Variants in CTNND2 observed in about 807,000 individuals in gnomAD.
CTNND2 encodes the protein catenin delta 2.
Under a neutral mutation model 144.4 loss-of-function variants are expected in CTNND2, and 22 were observed. The ratio of observed to expected loss-of-function variants is 0.15; its 90% confidence interval spans 0.11 to 0.22. The LOEUF is 0.22. Among genes scored for constraint, CTNND2 ranks in the 10% least tolerant of loss-of-function variants. CTNND2 has a pLI of 1.00. For synonymous variants in CTNND2, 751 were observed against 695.6 expected (o/e 1.08, Z -1.25); for missense variants, 1,353 against 1,618.8 (o/e 0.84, Z 2.82).
At chr5:11,829,767 G>C (rs1456608367) in intron 1 of CTNND2, among the ~76,000 whole-genome samples, 2 of 152,204 alleles carry the variant, frequency 1.3e-5, no homozygotes, top group Non-Finnish European at 2.9e-5. Flanking sequence ...GTGGAGCTGT[G>C]AGAAGAGGGC....
At chr5:11,098,771 G>C in intron 14 of CTNND2, 23 bp from the exon 15 acceptor site, 1 of 1,609,198 alleles carries the variant, frequency 6.2e-7, no homozygotes, top group Non-Finnish European at 8.5e-7. Flanking sequence ...AAACAAGAGA[G>C]CAAACATCTT....
intron 11 of CTNND2, among the ~76,000 whole-genome samples, chr5:11,188,929 TC>T (rs1263262810): frequency 6.6e-6 from 1 of 152,204 alleles, no homozygotes; most frequent in Non-Finnish European, 1.5e-5. Flanking sequence ...CTTTCTAATC[TC>T]CTTAGCCTGC....
At chr5:11,757,931 C>T (rs1789042142) in intron 1 of CTNND2, among the ~76,000 whole-genome samples, 1 of 151,948 alleles carries the variant, frequency 6.6e-6, no homozygotes, top group South Asian at 2.1e-4. Flanking sequence ...AAATAAACAG[C>T]ATGTACAGTC....
intron 18 of CTNND2, among the ~76,000 whole-genome samples, chr5:11,004,935 AAG>A (rs1488567756): frequency 6.6e-6 from 1 of 152,208 alleles, no homozygotes; most frequent in Non-Finnish European, 1.5e-5. Context: ...AGGGCAAGAA[AAG>A]AGAGACTGGC....
chr5:11,201,512 T>G (rs1173886794), intron 10 of CTNND2, among the ~76,000 whole-genome samples: 1 of 152,220 alleles, frequency 6.6e-6, no homozygotes, highest in Admixed American at 6.5e-5. Flanking sequence ...TCATACAGGG[T>G]GGCCTCTGAT....
At chr5:11,138,716 A>AT (rs1371231282) in intron 12 of CTNND2, among the ~76,000 whole-genome samples, 1 of 152,140 alleles carries the variant, frequency 6.6e-6, no homozygotes, top group Non-Finnish European at 1.5e-5. Context: ...CTGATTAATT[A>AT]TTTTTTCTAG....
intron 1 of CTNND2, among the ~76,000 whole-genome samples, chr5:11,868,053 T>A (rs1334990190): frequency 6.6e-6 from 1 of 151,748 alleles, no homozygotes; most frequent in Non-Finnish European, 1.5e-5. Flanking sequence ...AGTCCCCAGG[T>A]GGAGTACTAG....
chr5:11,892,922 T>G (rs569792930), intron 1 of CTNND2, among the ~76,000 whole-genome samples: 94 of 152,338 alleles, frequency 6.2e-4, no homozygotes, highest in Admixed American at 6.1e-3. Flanking sequence ...GAGAAAGCAC[T>G]TGTAAAGACT....
At chr5:11,794,251 C>G (rs1005087812) in intron 1 of CTNND2, among the ~76,000 whole-genome samples, 47 of 152,230 alleles carry the variant, frequency 3.1e-4, no homozygotes, top group Admixed American at 2.7e-3. Context: ...AGTTACTAAG[C>G]ACCATCTACT....
At chr5:11,129,695 G>T (rs1339943880) in intron 12 of CTNND2, among the ~76,000 whole-genome samples, 8 of 151,966 alleles carry the variant, frequency 5.3e-5, no homozygotes, top group Admixed American at 4.6e-4. Flanking sequence ...GCTACAGTTG[G>T]CATTCTGTAT....
Position 11,749,315 on chromosome 5 carries a change from C to A in CTNND2, c.38-17043G>T, listed in dbSNP as rs112444469. ...AATTCTAGGGCAATGTGTTATGCAG[C>A]AACAGATAACTAATATTGAGCGTAG... On this transcript the variant is annotated intron_variant, in intron 1 of 21. Transcript: ENST00000304623. 4.8e-3 allele frequency among the ~76,000 whole-genome samples: 734 copies of A among 152,120 alleles called. 9 individuals are homozygous for A. Among genetic ancestry groups the A allele is most frequent in the African/African-American group, 0.017 (716 of 41,522 alleles).
At chr5:11,419,035 G>GAT (rs1466963053) in intron 3 of CTNND2, among the ~76,000 whole-genome samples, 5 of 129,726 alleles carry the variant, frequency 3.9e-5, no homozygotes, top group African/African-American at 1.2e-4. Context: ...TCTATATATA[G>GAT]ATATATAGAT....
At chr5:11,850,338 G>T (rs1051470828) in intron 1 of CTNND2, among the ~76,000 whole-genome samples, 1 of 152,042 alleles carries the variant, frequency 6.6e-6, no homozygotes, top group Non-Finnish European at 1.5e-5. Context: ...ATTTTGTTTC[G>T]TAAAGACAAA....
chr5:11,810,519 T>C (rs1379301615), intron 1 of CTNND2, among the ~76,000 whole-genome samples: 1 of 152,208 alleles, frequency 6.6e-6, no homozygotes, highest in Non-Finnish European at 1.5e-5. Context: ...TGTGGATTAC[T>C]ACTTTTTAAC....
intron 8 of CTNND2, among the ~76,000 whole-genome samples, chr5:11,349,840 ATTGTT>A (rs1755152711): frequency 6.6e-6 from 1 of 151,828 alleles, no homozygotes; most frequent in African/African-American, 2.4e-5. Flanking sequence ...ATATTACAAA[ATTGTT>A]ATGTTAACTA....
intron 1 of CTNND2, among the ~76,000 whole-genome samples, chr5:11,879,986 T>C (rs1199394371): frequency 6.6e-6 from 1 of 152,154 alleles, no homozygotes; most frequent in Non-Finnish European, 1.5e-5. Flanking sequence ...TGTGCTGAGA[T>C]GGAGGATCCA....
At chr5:11,809,360 T>C (rs1792186497) in intron 1 of CTNND2, among the ~76,000 whole-genome samples, 1 of 152,206 alleles carries the variant, frequency 6.6e-6, no homozygotes, top group Non-Finnish European at 1.5e-5. Context: ...AGCATATGCA[T>C]GTAGCAATAC....
chr5:11,144,700 C>T (rs924122084), intron 12 of CTNND2, among the ~76,000 whole-genome samples: 7 of 152,052 alleles, frequency 4.6e-5, no homozygotes, highest in Non-Finnish European at 8.8e-5. Context: ...AAGGGACCGC[C>T]GTCTCACCCC....
chr5:11,872,365 G>A (rs561561192), intron 1 of CTNND2, among the ~76,000 whole-genome samples: 1 of 152,272 alleles, frequency 6.6e-6, no homozygotes, highest in African/African-American at 2.4e-5. Flanking sequence ...TGTCTTTATA[G>A]TAGTATGATT....
Sources: gnomAD v4.1 joint callset for allele counts (sites outside exome capture counted in the v4.1 genomes callset) on GRCh38, gnomAD v4.1.1 for gene constraint, MANE v1.5 for transcripts, NCBI Gene and HGNC (gene_info 2026-07-23, HGNC 2026-07-21) for gene names.